ECT2: variants seen among roughly 807,000 people sequenced by gnomAD.
ECT2 encodes the protein epithelial cell transforming 2.
Under a neutral mutation model 116.9 loss-of-function variants are expected in ECT2, and 61 were observed. The ratio of observed to expected loss-of-function variants is 0.52; its 90% CI spans 0.42 to 0.65. The LOEUF is 0.65. Among genes scored for constraint, ECT2 ranks in the 30% least tolerant of loss-of-function variants. ECT2 has a pLI of 0.00. For synonymous variants in ECT2, 358 were observed against 346.4 expected, an observed-to-expected ratio of 1.03 and a Z score of -0.37; for missense variants, 937 against 1,078.7, an observed-to-expected ratio of 0.87 and a Z score of 1.84.
downstream of ECT2, among the ~76,000 whole-genome samples, chr3:172,823,891 G>A (rs1344030013): frequency 4.7e-5 from 7 of 149,620 alleles, no homozygotes; most frequent in African/African-American, 1.5e-4. Context: ...TGATGGGTCC[G>A]TGTGATACAT....
downstream of ECT2, among the ~76,000 whole-genome samples, chr3:172,823,129 G>C (rs546562339): frequency 6.6e-6 from 1 of 152,062 alleles, no homozygotes; most frequent in East Asian, 1.9e-4. Flanking sequence ...ATGTAAAAAG[G>C]ATGTGAATTT....
intron 2 of ECT2, among the ~76,000 whole-genome samples, chr3:172,754,983 A>G (rs536677886): frequency 9.7e-4 from 148 of 152,056 alleles, no homozygotes; most frequent in Non-Finnish European, 1.6e-3. Flanking sequence ...TTCCTTTACC[A>G]CTTTATAAAT....
chr3:172,826,828 G>A, the ECT2 span, among the ~76,000 whole-genome samples: 2 of 152,100 alleles, frequency 1.3e-5, no homozygotes, highest in Admixed American at 6.5e-5. Flanking sequence ...CATCTTTACA[G>A]CAAAGGAAAC....
At chr3:172,781,751 C>CT (rs1464774439) in intron 14 of ECT2, among the ~76,000 whole-genome samples, 1 of 152,150 alleles carries the variant, frequency 6.6e-6, no homozygotes, top group Non-Finnish European at 1.5e-5. Context: ...TTTAAATTTA[C>CT]TGACCCCCTG....
At chr3:172,804,264 T>G (rs1445845544) in intron 20 of ECT2, among the ~76,000 whole-genome samples, 1 of 152,186 alleles carries the variant, frequency 6.6e-6, no homozygotes, top group Non-Finnish European at 1.5e-5. Context: ...ACAGGTATAA[T>G]AAAATCTCAC....
At chr3:172,818,675 G>A (rs367644414) in intron 24 of ECT2, 61 of 1,289,012 alleles carry the variant, frequency 4.7e-5, no homozygotes, top group East Asian at 5.5e-5. Context: ...TCTGCTTTCC[G>A]AGCTAGTTTT....
intron 24 of ECT2, among the ~76,000 whole-genome samples, chr3:172,819,533 T>TG (rs1394123632): frequency 6.6e-6 from 1 of 152,058 alleles, no homozygotes; most frequent in African/African-American, 2.4e-5. Context: ...TTTTTAGAGA[T>TG]GGGGGTCTTG....
chr3:172,796,420 C>A (rs1032492169), intron 18 of ECT2: 1 of 152,104 alleles, frequency 6.6e-6, no homozygotes, highest in Non-Finnish European at 1.5e-5. Flanking sequence ...AATAAAATTG[C>A]AGTAGGTTTT....
chr3:172,783,730 T>A, intron 15 of ECT2, 69 bp from the exon 16 acceptor site: 1 of 1,040,822 alleles, frequency 9.6e-7, no homozygotes, highest in Non-Finnish European at 1.5e-6. Context: ...ATTATTTGAC[T>A]TTAAGTTACA....
intron 7 of ECT2, among the ~76,000 whole-genome samples, chr3:172,761,053 C>T (rs746261482): frequency 6.6e-6 from 1 of 152,050 alleles, no homozygotes; most frequent in Non-Finnish European, 1.5e-5. Flanking sequence ...CAGAGCTCTG[C>T]TCTTATAAAG....
At chr3:172,818,474 A>G (rs1730146264) in intron 24 of ECT2, 2 of 908,818 alleles carry the variant, frequency 2.2e-6, no homozygotes, top group African/African-American at 3.6e-5. Flanking sequence ...AATAGACAGC[A>G]TATGTAAGAA....
chr3:172,770,502 C>T (rs7613981), intron 13 of ECT2, among the ~76,000 whole-genome samples: 15,301 of 152,034 alleles, frequency 0.1, 1,484 homozygotes, highest in African/African-American at 0.25. Context: ...GTATTCTCTC[C>T]TTAAAAAAAT....
chr3:172,780,274 G>C (rs1722460081), intron 14 of ECT2, among the ~76,000 whole-genome samples: 1 of 152,094 alleles, frequency 6.6e-6, no homozygotes, highest in Non-Finnish European at 1.5e-5. Flanking sequence ...AATGTAGCGT[G>C]TTAGAAGTTC....
rs868139415 is a variant in ECT2 at position 172,764,173 on chromosome 3, G to A, written c.1069-105G>A. On this transcript the variant is annotated intron_variant, in intron 11 of 24. Coordinates refer to ENST00000392692, the MANE Select transcript of ECT2 (RefSeq NM_001258315.2). ...TAGAGTGTAGGGTTATAAAATTATT[G>A]TGCAAAATCCAGATTCTGTCAGACT... 1.1e-4 allele frequency: 111 copies of A among 989,616 alleles called. 2 individuals are homozygous for A. In the South Asian group the frequency reaches 1.7e-3, roughly 15 times the overall value. 61.3% of individuals were successfully genotyped at this position (989,616 alleles called of 1,614,324 possible).
At chr3:172,777,238 GA>G (rs1317441908) in intron 14 of ECT2, among the ~76,000 whole-genome samples, 6 of 152,094 alleles carry the variant, frequency 3.9e-5, no homozygotes, top group Non-Finnish European at 5.9e-5. Flanking sequence ...ATAAAATGGG[GA>G]TAATAATAAC....
At chr3:172,804,806 G>A (rs562448239) in intron 20 of ECT2, among the ~76,000 whole-genome samples, 1 of 152,002 alleles carries the variant, frequency 6.6e-6, no homozygotes, top group South Asian at 2.1e-4. Context: ...TCATTGACTT[G>A]CCATTCACTT....
chr3:172,773,131 G>A (rs954549833), intron 13 of ECT2, among the ~76,000 whole-genome samples: 3 of 152,124 alleles, frequency 2.0e-5, no homozygotes, highest in Non-Finnish European at 4.4e-5. Context: ...AGGGAGAATT[G>A]ACATTCTTAC....
At chr3:172,812,339 C>G (rs1728919536) in intron 22 of ECT2, among the ~76,000 whole-genome samples, 1 of 152,094 alleles carries the variant, frequency 6.6e-6, no homozygotes, top group South Asian at 2.1e-4. Flanking sequence ...CTTTAGAATG[C>G]AGTCATAAAT....
intron 11 of ECT2, among the ~76,000 whole-genome samples, chr3:172,763,606 C>T (rs1455935518): frequency 2.6e-5 from 4 of 151,946 alleles, no homozygotes; most frequent in Admixed American, 6.6e-5. Context: ...AGGGGAGAGA[C>T]GTCATTAAAA....
Sources: gnomAD v4.1 joint callset for allele counts (sites outside exome capture counted in the v4.1 genomes callset) on GRCh38, gnomAD v4.1.1 for gene constraint, MANE v1.5 for transcripts, NCBI Gene and HGNC (gene_info 2026-07-23, HGNC 2026-07-21) for gene names.